OR1L3: variants seen among roughly 807,000 people sequenced by gnomAD.
OR1L3 encodes olfactory receptor family 1 subfamily L member 3, also known as olfactory receptor 1L3.
For missense variants in OR1L3, 374 were observed against 386.4 expected, an observed-to-expected ratio of 0.97 and a Z score of 0.27; for synonymous variants, 137 against 144.5, an observed-to-expected ratio of 0.95 and a Z score of 0.37.
At position 122,675,495 on chromosome 9, in the gene OR1L3, C is replaced by T. The variant is rs750405135; in HGVS notation, c.366C>T (p.Arg122=). ...SYLLAAMAIN[R]CVAICNPFHY... Reference sequence around the variant, plus strand: ...TCCTGGCGGCTATGGCCATCAACCGCTGTGTAGCCATTTGTAACCCATTCC... The same window carrying T: ...TCCTGGCGGCTATGGCCATCAACCGTTGTGTAGCCATTTGTAACCCATTCC... Residue 122 remains arginine, a synonymous_variant, in exon 1 of 1, where the codon CGC becomes CGT. Transcript: ENST00000304820. The T allele has an allele frequency of 1.2e-6, 2 of 1,614,122 alleles. No homozygotes were observed. Among genetic ancestry groups the T allele is most frequent in the African/African-American group, 2.7e-5 (2 of 74,950 alleles).
In OR1L3 at chr9:122,675,197, A is replaced by T; in HGVS notation, c.68A>T (p.Asp23Val). ...TTGGGACTCTCCTCTCGGTCTGAAG[A>T]CCAGAGGCCACTCTTTGCCCTCTTT... The part of the protein sequence containing the change: ...ILLGLSSRSE[D>V]QRPLFALFLI... Residue 23 changes from aspartate to valine, a missense_variant, in exon 1 of 1, where the codon GAC becomes GTC. By Grantham distance (152) the Asp-to-Val change is radical (BLOSUM62 -3). Transcript: ENST00000304820. 6.2e-7 allele frequency: 1 copy of T among 1,613,596 alleles called. No homozygotes were observed. The highest frequency in any genetic ancestry group is 8.5e-7 in the Non-Finnish European group (1 of 1,179,570).
At position 122,675,390 on chromosome 9, in the gene OR1L3, A is replaced by G; in HGVS notation, c.261A>G (p.Ser87=). 1 of 1,614,200 alleles carries G rather than the reference A, an allele frequency of 6.2e-7. No individual in the cohort carries two copies. Reference sequence around the variant, plus strand: ...CAAAGATGCTCGTGAACTTCTTATCAGAGAAAAAGACCATTTCCTATGCTG... The same window carrying G: ...CAAAGATGCTCGTGAACTTCTTATCGGAGAAAAAGACCATTTCCTATGCTG... ...IVPKMLVNFL[S]EKKTISYAEC... Residue 87 remains serine (S), a synonymous_variant, in exon 1 of 1, where the codon TCA becomes TCG. Transcript: ENST00000304820.
rs763075537 is a variant in OR1L3 at position 122,675,757 on chromosome 9, C to T, written c.628C>T (p.Pro210Ser). Residue 210 changes from proline (P) to serine (S), a missense_variant, in exon 1 of 1, where the codon CCA (proline) becomes TCA (serine). Coordinates refer to ENST00000304820, the MANE Select transcript of OR1L3 (RefSeq NM_001005234.1). ...MTEGLASVMAPFVCIIISYLR... is the reference protein window; with the variant it reads ...MTEGLASVMASFVCIIISYLR... ...AGAAGGGCTGGCCTCTGTGATGGCT[C>T]CATTTGTCTGTATCATCATCTCTTA... 7.4e-6 allele frequency: 12 copies of T among 1,614,124 alleles called. No individual in the cohort carries two copies. Among genetic ancestry groups the T allele is most frequent in the Non-Finnish European group, 1.0e-5 (12 of 1,180,018 alleles).
Position 122,675,684 on chromosome 9 carries a change from G to A in OR1L3, c.555G>A (p.Leu185=), listed in dbSNP as rs141603415. 1 of 1,614,052 alleles carries A rather than the reference G, an allele frequency of 6.2e-7. No individual in the cohort carries two copies. Among genetic ancestry groups the A allele is most frequent in the Non-Finnish European group, 8.5e-7 (1 of 1,180,012 alleles). The change falls in exon 1 of 1, where the codon CTG becomes CTA. Residue 185 remains leucine (L), a synonymous_variant. Transcript: ENST00000304820. ...TTTTTTGTGATGTCAACCCTGTGCT[G>A]AAACTGTCCTGCTCCTCCACCTTTG... ...HHFFCDVNPV[L]KLSCSSTFVN... is the part of the protein sequence containing the mutation.
At position 122,675,501 on chromosome 9, in the gene OR1L3, A is replaced by G. The variant is rs1419604827; in HGVS notation, c.372A>G (p.Val124=). 1 of 1,614,234 alleles carries G rather than the reference A, an allele frequency of 6.2e-7. No individual in the cohort carries two copies. The highest frequency in any genetic ancestry group is 8.5e-7 in the Non-Finnish European group (1 of 1,180,040). The change falls in exon 1 of 1, where the codon GTA becomes GTG. Residue 124 remains valine, a synonymous_variant. Transcript: ENST00000304820. ...CGGCTATGGCCATCAACCGCTGTGT[A>G]GCCATTTGTAACCCATTCCATTATG... The part of the protein sequence containing the change: ...LLAAMAINRC[V]AICNPFHYVT...
In OR1L3 at chr9:122,675,201, G is replaced by A; in HGVS notation, c.72G>A (p.Gln24=). The part of the protein sequence containing the change: ...LLGLSSRSED[Q]RPLFALFLII... The stretch of plus-strand genomic sequence containing the variant: ...GACTCTCCTCTCGGTCTGAAGACCA[G>A]AGGCCACTCTTTGCCCTCTTTCTTA... Residue 24 remains glutamine (Q), a synonymous_variant, in exon 1 of 1, where the codon CAG becomes CAA. Transcript: ENST00000304820. The A allele has an allele frequency of 6.2e-7, 1 of 1,614,064 alleles. No individual in the cohort carries two copies. Among genetic ancestry groups the A allele is most frequent in the Non-Finnish European group, 8.5e-7 (1 of 1,179,978 alleles).
At position 122,675,149 on chromosome 9, in the gene OR1L3, C is replaced by A; in HGVS notation, c.20C>A (p.Thr7Lys). The change falls in exon 1 of 1, where the codon ACA becomes AAA. Residue 7 changes from threonine to lysine, a missense_variant. Coordinates refer to ENST00000304820, the MANE Select transcript of OR1L3 (RefSeq NM_001005234.1). MGMSNL[T>K]RLSEFILLGL... ...AAGTCCATGGGAATGTCCAACCTGACAAGACTCTCTGAATTTATTCTCTTG... is the reference window on the plus strand; with the variant it reads ...AAGTCCATGGGAATGTCCAACCTGAAAAGACTCTCTGAATTTATTCTCTTG... 6.2e-7 allele frequency: 1 copy of A among 1,607,778 alleles called. No homozygotes were observed. The highest frequency in any genetic ancestry group is 8.5e-7 in the Non-Finnish European group (1 of 1,177,432).
Position 122,675,452 on chromosome 9 carries a change from G to A in OR1L3, c.323G>A (p.Gly108Glu), listed in dbSNP as rs1830639480. The stretch of plus-strand genomic sequence containing the variant: ...CAGATGTATTTCTTCCTGGTTTTTG[G>A]AAACATAGATAGTTATCTCCTGGCG... The part of the protein sequence containing the change: ...LAQMYFFLVF[G>E]NIDSYLLAAM... The change falls in exon 1 of 1, where the codon GGA (glycine) becomes GAA (glutamate). Residue 108 changes from glycine to glutamate, a missense_variant. Gly to Glu is a moderately conservative substitution (Grantham distance 98). Transcript: ENST00000304820. 8.1e-6 allele frequency: 13 copies of A among 1,614,160 alleles called. No homozygotes were observed. In the East Asian group the frequency reaches 2.9e-4, roughly 36 times the overall value.
chr9:122,675,702 C>T lies in OR1L3; in HGVS notation c.573C>T (p.Ser191=), dbSNP rs369112358. 1.2e-5 allele frequency: 20 copies of T among 1,614,002 alleles called. No homozygotes were observed. Among genetic ancestry groups the T allele is most frequent in the Middle Eastern group, 1.6e-4 (1 of 6,082 alleles). The change falls in exon 1 of 1, where the codon TCC becomes TCT. Residue 191 remains serine (S), a synonymous_variant. Transcript: ENST00000304820. ...VNPVLKLSCS[S]TFVNEIVAMT... is the part of the protein sequence containing the mutation. ...CTGTGCTGAAACTGTCCTGCTCCTC[C>T]ACCTTTGTCAATGAAATTGTGGCCA... is the stretch of plus-strand genomic sequence containing the variant.
At position 122,675,639 on chromosome 9, in the gene OR1L3, A is replaced by T; in HGVS notation, c.510A>T (p.Thr170=). The change falls in exon 1 of 1, where the codon ACA becomes ACT. Residue 170 remains threonine (T), a synonymous_variant. Coordinates refer to ENST00000304820, the MANE Select transcript of OR1L3 (RefSeq NM_001005234.1). ...VLLVNRLTFC[T]SNVIHHFFCD... is the part of the protein sequence containing the mutation. ...TGGTGAATCGGCTCACCTTTTGTAC[A>T]TCAAATGTTATCCATCATTTTTTTT... 6.2e-7 allele frequency: 1 copy of T among 1,614,136 alleles called. No homozygotes were observed. The highest frequency in any genetic ancestry group is 8.5e-7 in the Non-Finnish European group (1 of 1,180,022).
At position 122,675,262 on chromosome 9, in the gene OR1L3, A is replaced by G. The variant is rs1564232987; in HGVS notation, c.133A>G (p.Ile45Val). Residue 45 changes from isoleucine (I) to valine (V), a missense_variant, in exon 1 of 1, where the codon ATC becomes GTC. Coordinates refer to ENST00000304820, the MANE Select transcript of OR1L3 (RefSeq NM_001005234.1). ...GGTCACTTTGATGGGAAATCTGCTC[A>G]TCATCTTGGCTATCCACTCTGATCC... ...YLVTLMGNLL[I>V]ILAIHSDPRL... 1.9e-6 allele frequency: 3 copies of G among 1,614,180 alleles called. No individual in the cohort carries two copies. Among genetic ancestry groups the G allele is most frequent in the Middle Eastern group, 3.3e-4 (2 of 6,060 alleles).
In OR1L3 at chr9:122,675,354, A is replaced by C; in HGVS notation, c.225A>C (p.Thr75=). 1.9e-6 allele frequency: 3 copies of C among 1,614,214 alleles called. No individual in the cohort carries two copies. The highest frequency in any genetic ancestry group is 2.5e-6 in the Non-Finnish European group (3 of 1,180,028). The change falls in exon 1 of 1, where the codon ACA becomes ACC. Residue 75 remains threonine, a synonymous_variant. Transcript: ENST00000304820. Reference sequence around the variant, plus strand: ...CCTTTGCTGATATTTGCTACACAACAGTCATAGTCCCAAAGATGCTCGTGA... The same window carrying C: ...CCTTTGCTGATATTTGCTACACAACCGTCATAGTCCCAAAGATGCTCGTGA... The part of the protein sequence containing the change: ...ILSFADICYT[T]VIVPKMLVNF...
In OR1L3 at chr9:122,675,624, G is replaced by GT; in HGVS notation, c.495_496insT (p.Leu166SerfsTer15). 6.2e-7 allele frequency: 1 copy of GT among 1,614,050 alleles called. No individual in the cohort carries two copies. Among genetic ancestry groups the GT allele is most frequent in the Non-Finnish European group, 8.5e-7 (1 of 1,180,006 alleles). On this transcript the variant is annotated frameshift_variant, in exon 1 of 1. Coordinates refer to ENST00000304820, the MANE Select transcript of OR1L3 (RefSeq NM_001005234.1). LOFTEE classifies it low-confidence loss of function (END_TRUNC). ...TCCTACATGTCCTCCTGGTGAATCG[G>GT]CTCACCTTTTGTACATCAAATGTTA...
chr9:122,675,373 C>A lies in OR1L3; in HGVS notation c.244C>A (p.Leu82Ile). 3.7e-6 allele frequency: 6 copies of A among 1,614,234 alleles called. No homozygotes were observed. The highest frequency in any genetic ancestry group is 5.1e-6 in the Non-Finnish European group (6 of 1,180,022). The change falls in exon 1 of 1, where the codon CTC becomes ATC. Residue 82 changes from leucine to isoleucine, a missense_variant. Transcript: ENST00000304820. Reference protein sequence around the residue: ...CYTTVIVPKMLVNFLSEKKTI... With the variant: ...CYTTVIVPKMIVNFLSEKKTI... ...CACAACAGTCATAGTCCCAAAGATGCTCGTGAACTTCTTATCAGAGAAAAA... is the reference window on the plus strand; with the variant it reads ...CACAACAGTCATAGTCCCAAAGATGATCGTGAACTTCTTATCAGAGAAAAA...
At position 122,675,545 on chromosome 9, in the gene OR1L3, G is replaced by C. The variant is rs775729997; in HGVS notation, c.416G>C (p.Arg139Thr). Reference protein sequence around the residue: ...PFHYVTVMNRRCCVLLLAFPI... With the variant: ...PFHYVTVMNRTCCVLLLAFPI... ...CATTATGTCACTGTTATGAACCGCA[G>C]ATGCTGTGTGTTGCTACTAGCATTC... Residue 139 changes from arginine to threonine, a missense_variant, in exon 1 of 1, where the codon AGA becomes ACA. Transcript: ENST00000304820. 1 of 1,614,192 alleles carries C rather than the reference G, an allele frequency of 6.2e-7. No homozygotes were observed. Among genetic ancestry groups the C allele is most frequent in the Non-Finnish European group, 8.5e-7 (1 of 1,180,024 alleles).
In OR1L3 at chr9:122,675,951, A is replaced by C. The variant is rs1410829241; in HGVS notation, c.822A>C (p.Thr274=). 6.2e-7 allele frequency: 1 copy of C among 1,614,048 alleles called. No individual in the cohort carries two copies. Among genetic ancestry groups the C allele is most frequent in the Non-Finnish European group, 8.5e-7 (1 of 1,180,042 alleles). ...SSYTVKDRIA[T]INYTVLTSVL... Reference sequence around the variant, plus strand: ...ATACTGTCAAGGACCGAATAGCAACAATCAACTACACTGTGTTGACATCAG... The same window carrying C: ...ATACTGTCAAGGACCGAATAGCAACCATCAACTACACTGTGTTGACATCAG... The change falls in exon 1 of 1, where the codon ACA becomes ACC. Residue 274 remains threonine (T), a synonymous_variant. Transcript: ENST00000304820.
In OR1L3 at chr9:122,675,615, G is replaced by C. The variant is rs372999173; in HGVS notation, c.486G>C (p.Leu162=). 5 of 1,613,944 alleles carry C rather than the reference G, an allele frequency of 3.1e-6. No homozygotes were observed. The highest frequency in any genetic ancestry group is 3.4e-6 in the Non-Finnish European group (4 of 1,180,018). ...SYFHSLLHVL[L]VNRLTFCTSN... ...TCCACTCTCTCCTACATGTCCTCCT[G>C]GTGAATCGGCTCACCTTTTGTACAT... Residue 162 remains leucine (L), a synonymous_variant, in exon 1 of 1, where the codon CTG becomes CTC. Transcript: ENST00000304820.
Position 122,675,656 on chromosome 9 carries a change from AT to A in OR1L3, c.535del (p.Cys179ValfsTer7), listed in dbSNP as rs567688158. On this transcript the variant is annotated frameshift_variant, in exon 1 of 1. Coordinates refer to ENST00000304820, the MANE Select transcript of OR1L3 (RefSeq NM_001005234.1). LOFTEE classifies it low-confidence loss of function (END_TRUNC). The part of the protein sequence containing the change: ...LTFCTSNVIH[H>X]FFCDVNPVLK... ...TTTTGTACATCAAATGTTATCCATC[AT>A]TTTTTTTGTGATGTCAACCCTGTGC... is the stretch of plus-strand genomic sequence containing the variant. 2.5e-5 allele frequency: 40 copies of A among 1,613,638 alleles called. No homozygotes were observed. The East Asian group carries it at 7.8e-4, about 31-fold the overall frequency.
chr9:122,675,588 T>A lies in OR1L3; in HGVS notation c.459T>A (p.Tyr153Ter), dbSNP rs765338104. 6.2e-7 allele frequency: 1 copy of A among 1,614,082 alleles called. No individual in the cohort carries two copies. The highest frequency in any genetic ancestry group is 1.7e-5 in the Admixed American group (1 of 60,004). The change falls in exon 1 of 1, where the codon TAT (tyrosine) becomes TAA (stop). Residue 153 changes from tyrosine to a stop codon, truncating the protein, a stop_gained. Coordinates refer to ENST00000304820, the MANE Select transcript of OR1L3 (RefSeq NM_001005234.1). LOFTEE classifies it low-confidence loss of function (END_TRUNC). Reference sequence around the variant, plus strand: ...TAGCATTCCCCATCACTTTCTCCTATTTCCACTCTCTCCTACATGTCCTCC... The same window carrying A: ...TAGCATTCCCCATCACTTTCTCCTAATTCCACTCTCTCCTACATGTCCTCC... ...LLLAFPITFS[Y>*]FHSLLHVLLV...
Sources: allele counts gnomAD v4.1 joint callset, GRCh38; gene constraint gnomAD v4.1.1; transcripts MANE v1.5; gene names NCBI Gene and HGNC (gene_info 2026-07-23, HGNC 2026-07-21).